Variants in LIMA1 observed in about 807,000 individuals in gnomAD.
LIMA1 encodes LIM domain and actin binding 1.
In LIMA1, 52 loss-of-function variants were observed where a neutral mutation model predicts 62.6. That is an observed-to-expected ratio of 0.83 (90% CI 0.67 to 1.05). LIMA1 has a LOEUF of 1.05. LIMA1 is among the 50% of genes least tolerant of loss of function. LIMA1 has a pLI of 0.00. For missense variants in LIMA1, 780 were observed against 902.2 expected, an observed-to-expected ratio of 0.86 and a Z score of 1.74; for synonymous variants, 302 against 317.8, an observed-to-expected ratio of 0.95 and a Z score of 0.53.
At chr12:50,181,379 T>A (rs1940498491) in intron 10 of LIMA1, among the ~76,000 whole-genome samples, 1 of 152,198 alleles carries the variant, frequency 6.6e-6, no homozygotes, top group African/African-American at 2.4e-5. Flanking sequence ...TTAAAATGAG[T>A]TAATTTGGAA....
rs537103318 is a variant in LIMA1 at position 50,264,937 on chromosome 12, G to C, written c.-23-16163C>G. The stretch of plus-strand genomic sequence containing the variant: ...GGAGGCTGAGGTGGGAGGATCACTT[G>C]AGTCCAGAGTTCAAGATCAGCCTGG... On this transcript the variant is annotated intron_variant, in intron 1 of 10. Coordinates refer to ENST00000341247, the MANE Select transcript of LIMA1 (RefSeq NM_016357.5). 2.6e-5 allele frequency among the ~76,000 whole-genome samples: 4 copies of C among 152,222 alleles called. No individual in the cohort carries two copies. In the East Asian group the frequency reaches 7.7e-4, roughly 29 times the overall value.
chr12:50,247,620 A>C (rs1433321868), intron 2 of LIMA1, among the ~76,000 whole-genome samples: 1 of 147,592 alleles, frequency 6.8e-6, no homozygotes, highest in Admixed American at 6.8e-5. Flanking sequence ...TATTATTATT[A>C]TTATTATTAT....
intron 10 of LIMA1, among the ~76,000 whole-genome samples, chr12:50,178,802 T>C (rs1940414226): frequency 6.6e-6 from 1 of 152,028 alleles, no homozygotes; most frequent in Non-Finnish European, 1.5e-5. Context: ...ATGAAAAATG[T>C]CATAATCTTT....
intron 4 of LIMA1, among the ~76,000 whole-genome samples, chr12:50,218,633 T>C (rs1344288621): frequency 6.6e-6 from 1 of 152,146 alleles, no homozygotes; most frequent in Non-Finnish European, 1.5e-5. Context: ...AGGCTGGGTG[T>C]GGTGGCTCAT....
At chr12:50,236,415 A>G (rs1381913797) in intron 2 of LIMA1, among the ~76,000 whole-genome samples, 1 of 148,930 alleles carries the variant, frequency 6.7e-6, no homozygotes, top group East Asian at 2.0e-4. Flanking sequence ...CTCCTGCCTC[A>G]GCCTCCCAAG....
chr12:50,180,528 T>C (rs4883481), intron 10 of LIMA1, among the ~76,000 whole-genome samples: 108,658 of 151,914 alleles, frequency 0.72, 40,130 homozygotes, highest in East Asian at 0.92. Flanking sequence ...GTCTTGAACT[T>C]CTGGCATCAA....
intron 10 of LIMA1, 145 bp from the exon 11 acceptor site, chr12:50,178,214 T>A: frequency 1.7e-6 from 1 of 588,564 alleles, no homozygotes; most frequent in Non-Finnish European, 2.7e-6. Context: ...GACCAGGAAT[T>A]CCTTACCCCC....
At chr12:50,193,524 A>ATATATATAT in intron 8 of LIMA1, among the ~76,000 whole-genome samples, 1 of 137,686 alleles carries the variant, frequency 7.3e-6, no homozygotes, top group African/African-American at 2.7e-5. Flanking sequence ...TGATATATAT[A>ATATATATAT]CACATATATG....
At position 50,222,434 on chromosome 12, in the gene LIMA1, T is replaced by G. The variant is rs755117347; in HGVS notation, c.217A>C (p.Lys73Gln). Residue 73 changes from lysine (K) to glutamine (Q), a missense_variant, in exon 4 of 11, where the codon AAG (lysine) becomes CAG (glutamine). Transcript: ENST00000341247. ...AGCCCTGGGTTCTCCCACTTCTTCT[T>G]TAACACAGTCAGGGTCCCCTTTCTA... is the stretch of plus-strand genomic sequence containing the variant. ...HFRKGTLTVL[K>Q]KKWENPGLGA... 5 of 1,614,128 alleles carry G rather than the reference T, an allele frequency of 3.1e-6. No individual in the cohort carries two copies. In the South Asian group the frequency reaches 4.4e-5, roughly 14 times the overall value.
intron 1 of LIMA1, among the ~76,000 whole-genome samples, chr12:50,255,602 AGAAAG>A (rs974111091): frequency 1.1e-4 from 16 of 151,546 alleles, no homozygotes; most frequent in Admixed American, 7.9e-4. Flanking sequence ...AAGAAAGAAA[AGAAAG>A]GAAAGAAAGA....
intron 5 of LIMA1, 44 bp from the exon 6 acceptor site, chr12:50,204,744 G>T (rs977146800): frequency 1.3e-6 from 2 of 1,586,408 alleles, no homozygotes; most frequent in Non-Finnish European, 1.7e-6. Flanking sequence ...TTCTGAGATG[G>T]GGTCTCACTC....
chr12:50,179,104 T>C (rs765080932), intron 10 of LIMA1, among the ~76,000 whole-genome samples: 86 of 151,910 alleles, frequency 5.7e-4, no homozygotes, highest in Non-Finnish European at 8.8e-4. Context: ...GCCTCCTGAG[T>C]AGCTGGGATT....
chr12:50,183,030 C>T (rs1054722323), intron 9 of LIMA1, among the ~76,000 whole-genome samples: 5 of 152,058 alleles, frequency 3.3e-5, no homozygotes, highest in African/African-American at 7.2e-5. Flanking sequence ...GGTGAAACCC[C>T]GTCTCCAGTA....
At chr12:50,228,790 C>T (rs140696722) in intron 3 of LIMA1, among the ~76,000 whole-genome samples, 133 of 152,310 alleles carry the variant, frequency 8.7e-4, no homozygotes, top group African/African-American at 3.2e-3. Context: ...TACTATTTCT[C>T]CCTCTCTAAT....
intron 1 of LIMA1, among the ~76,000 whole-genome samples, chr12:50,273,795 A>G (rs1942243234): frequency 6.6e-6 from 1 of 152,230 alleles, no homozygotes; most frequent in Non-Finnish European, 1.5e-5. Flanking sequence ...TGAAGATTCT[A>G]GATAGCTTTC....
At chr12:50,278,403 C>G (rs1942300104) in intron 1 of LIMA1, among the ~76,000 whole-genome samples, 1 of 152,186 alleles carries the variant, frequency 6.6e-6, no homozygotes, top group Non-Finnish European at 1.5e-5. Context: ...GCCTGGGCGA[C>G]AGAGCGAGAC....
chr12:50,225,094 G>T (rs1005070240), intron 3 of LIMA1, among the ~76,000 whole-genome samples: 48 of 151,864 alleles, frequency 3.2e-4, no homozygotes, highest in Non-Finnish European at 5.4e-4. Context: ...TAGAGACGGG[G>T]TTTCTCCATG....
At chr12:50,236,366 C>T (rs921422223) in intron 2 of LIMA1, among the ~76,000 whole-genome samples, 3 of 146,664 alleles carry the variant, frequency 2.0e-5, no homozygotes, top group Non-Finnish European at 4.5e-5. Flanking sequence ...GGCGTGATCT[C>T]GGCTCACTGC....
chr12:50,189,385 G>A (rs1160560495), intron 9 of LIMA1: 1 of 152,142 alleles, frequency 6.6e-6, no homozygotes, highest in Non-Finnish European at 1.5e-5. Context: ...CACAGTCAGA[G>A]GTATAAGCAC....
Sources: allele counts gnomAD v4.1 joint callset (sites outside exome capture counted in the v4.1 genomes callset), GRCh38; gene constraint gnomAD v4.1.1; transcripts MANE v1.5; gene names NCBI Gene and HGNC (gene_info 2026-07-23, HGNC 2026-07-21).